Variants in KDM4C observed in about 807,000 individuals in gnomAD.
The protein encoded by KDM4C is lysine demethylase 4C.
A neutral mutation model predicts 129.3 loss-of-function variants in KDM4C; 81 were observed. The ratio of observed to expected loss-of-function variants is 0.63; its 90% confidence interval spans 0.52 to 0.75. The LOEUF is 0.75. Among genes scored for constraint, KDM4C ranks in the 30% least tolerant of loss-of-function variants. The probability of loss-of-function intolerance (pLI) is 0.00; values close to 1 mark genes in which losing one functional copy is unlikely to be tolerated. For missense variants in KDM4C, 1,457 were observed against 1,304.0 expected (o/e 1.12, Z -1.81); for synonymous variants, 573 against 456.1 (o/e 1.26, Z -3.26).
chr9:7,028,448 C>G (rs1826163506), intron 15 of KDM4C, among the ~76,000 whole-genome samples: 1 of 151,722 alleles, frequency 6.6e-6, no homozygotes, highest in African/African-American at 2.4e-5. Flanking sequence ...AGTGGGTGAG[C>G]TGGTATCCAA....
chr9:7,033,591 G>T (rs1181469388), intron 15 of KDM4C, among the ~76,000 whole-genome samples: 1 of 152,168 alleles, frequency 6.6e-6, no homozygotes, highest in Non-Finnish European at 1.5e-5. Flanking sequence ...GGGAACTGCT[G>T]AGTGGCTAAA....
intron 4 of KDM4C, among the ~76,000 whole-genome samples, chr9:6,839,127 T>C (rs1836422269): frequency 6.6e-6 from 1 of 152,202 alleles, no homozygotes; most frequent in Admixed American, 6.5e-5. Context: ...GTAGTGGAGT[T>C]TGGTGGATGG....
At chr9:6,988,655 G>C (rs1586735963) in intron 11 of KDM4C, among the ~76,000 whole-genome samples, 2 of 149,128 alleles carry the variant, frequency 1.3e-5, no homozygotes, top group Non-Finnish European at 3.0e-5. Flanking sequence ...ATTTTTTAAA[G>C]CCATCCATCC....
At chr9:6,944,383 G>T (rs996796728) in intron 8 of KDM4C, among the ~76,000 whole-genome samples, 3 of 152,138 alleles carry the variant, frequency 2.0e-5, no homozygotes, top group Admixed American at 6.6e-5. Flanking sequence ...TTCTGGAATG[G>T]CACTTCCTTT....
At chr9:6,937,758 C>T (rs981328596) in intron 8 of KDM4C, among the ~76,000 whole-genome samples, 4 of 152,104 alleles carry the variant, frequency 2.6e-5, no homozygotes, top group Non-Finnish European at 5.9e-5. Context: ...GTCGCCGAGG[C>T]TGGAGTGCAG....
At chr9:7,143,010 C>G (rs1027961760) in intron 19 of KDM4C, among the ~76,000 whole-genome samples, 1 of 152,210 alleles carries the variant, frequency 6.6e-6, no homozygotes, top group Admixed American at 6.5e-5. Flanking sequence ...AGGCCCATCT[C>G]CTTTTATCCT....
At chr9:6,914,442 G>A (rs1027690685) in intron 8 of KDM4C, among the ~76,000 whole-genome samples, 1 of 152,146 alleles carries the variant, frequency 6.6e-6, no homozygotes, top group East Asian at 1.9e-4. Context: ...CTGGCTACTT[G>A]TAATACCGTT....
At chr9:7,149,420 T>C (rs1183220117) in intron 19 of KDM4C, among the ~76,000 whole-genome samples, 2 of 152,174 alleles carry the variant, frequency 1.3e-5, no homozygotes, top group African/African-American at 4.8e-5. Flanking sequence ...GATGCCCGGG[T>C]CCAGAGCCAC....
intron 1 of KDM4C, among the ~76,000 whole-genome samples, chr9:6,761,651 T>C (rs1394984351): frequency 6.6e-6 from 1 of 152,156 alleles, no homozygotes; most frequent in East Asian, 1.9e-4. Context: ...ACAGTCTTTA[T>C]ACTGCTCATG....
chr9:6,764,416 A>G (rs1820208273), intron 1 of KDM4C, among the ~76,000 whole-genome samples: 1 of 152,134 alleles, frequency 6.6e-6, no homozygotes, highest in African/African-American at 2.4e-5. Flanking sequence ...ACAGTTGCTC[A>G]TTATTTGTAC....
intron 8 of KDM4C, among the ~76,000 whole-genome samples, chr9:6,965,204 T>G (rs1404143107): frequency 6.6e-6 from 1 of 151,688 alleles, no homozygotes; most frequent in African/African-American, 2.4e-5. Context: ...TGTGTAAGCA[T>G]AGGAAGCCTT....
intron 4 of KDM4C, among the ~76,000 whole-genome samples, chr9:6,816,528 G>A (rs9644836): frequency 0.42 from 62,932 of 151,588 alleles, 13,258 homozygotes; most frequent in East Asian, 0.61. Flanking sequence ...CATTCAGTGT[G>A]CATTCTTTTA....
chr9:7,081,369 G>T (rs935635667), intron 17 of KDM4C, among the ~76,000 whole-genome samples: 6 of 152,286 alleles, frequency 3.9e-5, no homozygotes, highest in Admixed American at 2.0e-4. Context: ...CTAATTTTAT[G>T]ATTTGGCAAG....
At position 6,893,235 on chromosome 9, in the gene KDM4C, A is replaced by G. The variant is rs745322848; in HGVS notation, c.921+3A>G. The G allele has an allele frequency of 1.8e-5, 29 of 1,606,176 alleles. No individual in the cohort carries two copies. Among genetic ancestry groups the G allele is most frequent in the Middle Eastern group, 1.7e-4 (1 of 6,052 alleles). On this transcript the variant is annotated splice_donor_region_variant and intron_variant, in intron 8 of 21. Transcript: ENST00000381309. Reference sequence around the variant, plus strand: ...ACTATGGAAAAGTTGCCAAATTGGTAAGCTATGCCTCAAAAATAAAGCAAA... The same window carrying G: ...ACTATGGAAAAGTTGCCAAATTGGTGAGCTATGCCTCAAAAATAAAGCAAA...
chr9:7,148,261 A>G (rs1161752035), intron 19 of KDM4C, among the ~76,000 whole-genome samples: 1 of 152,216 alleles, frequency 6.6e-6, no homozygotes, highest in East Asian at 1.9e-4. Flanking sequence ...TGGCTTGGGG[A>G]ACCTGAAGGT....
At chr9:7,167,194 C>T (rs763468252) in intron 20 of KDM4C, among the ~76,000 whole-genome samples, 1 of 152,146 alleles carries the variant, frequency 6.6e-6, no homozygotes, top group African/African-American at 2.4e-5. Context: ...TCCGAGAGCA[C>T]GCAGCTGGTA....
At chr9:7,173,138 G>T (rs1009033298) in intron 21 of KDM4C, among the ~76,000 whole-genome samples, 8 of 152,236 alleles carry the variant, frequency 5.3e-5, no homozygotes, top group Non-Finnish European at 1.2e-4. Flanking sequence ...CCCTGATGGG[G>T]AGAAACTTAC....
At chr9:7,061,545 T>C (rs1012254372) in intron 17 of KDM4C, among the ~76,000 whole-genome samples, 7 of 105,126 alleles carry the variant, frequency 6.7e-5, no homozygotes, top group Admixed American at 4.8e-4. Context: ...GGGCATTTTA[T>C]TGGGAAGAGA....
chr9:6,893,841 A>T (rs1229085023), intron 8 of KDM4C, among the ~76,000 whole-genome samples: 1 of 152,188 alleles, frequency 6.6e-6, no homozygotes, highest in African/African-American at 2.4e-5. Flanking sequence ...CACAGGCAAT[A>T]ACTTCTATTA....
Sources: gnomAD v4.1 joint callset for allele counts (sites outside exome capture counted in the v4.1 genomes callset) on GRCh38, gnomAD v4.1.1 for gene constraint, MANE v1.5 for transcripts, NCBI Gene and HGNC (gene_info 2026-07-23, HGNC 2026-07-21) for gene names.